DTNBP1: variants seen among roughly 807,000 people sequenced by gnomAD.
DTNBP1 encodes the protein dysbindin.
DTNBP1 carries 35 observed loss-of-function variants against 42.8 expected under a neutral mutation model. The observed-to-expected ratio is 0.82, with a 90% CI of 0.63 to 1.09. The LOEUF is 1.09. Among genes scored for constraint, DTNBP1 ranks in the 50% least tolerant of loss-of-function variants. DTNBP1 has a pLI of 0.00. For missense variants in DTNBP1, 457 were observed against 424.2 expected (o/e 1.08, Z -0.68); for synonymous variants, 171 against 162.2 (o/e 1.05, Z -0.41).
chr6:15,623,577 AAAAC>A (rs1759164921), intron 5 of DTNBP1, among the ~76,000 whole-genome samples: 1 of 152,160 alleles, frequency 6.6e-6, no homozygotes, highest in Middle Eastern at 3.2e-3. Flanking sequence ...TTTTAAAACA[AAAAC>A]AAAACCCAGA....
chr6:15,656,748 A>G (rs532845437), intron 1 of DTNBP1, among the ~76,000 whole-genome samples: 1 of 152,222 alleles, frequency 6.6e-6, no homozygotes, highest in East Asian at 1.9e-4. Context: ...ACCCTGTCTC[A>G]GAGAAAAAAA....
At position 15,645,437 on chromosome 6, in the gene DTNBP1, A is replaced by T. The variant is rs965668870; in HGVS notation, c.161+5876T>A. ...GGAGATTTCTCCTTCACCTCATTCT[A>T]TGCAACTAGTATTATCCTGATTCCA... On this transcript the variant is annotated intron_variant, in intron 3 of 9. Transcript: ENST00000344537. Among the ~76,000 whole-genome samples the T allele has an allele frequency of 2.0e-5, 3 of 152,192 alleles. No homozygotes were observed. The South Asian group carries it at 6.2e-4, about 32-fold the overall frequency.
At chr6:15,657,598 A>G (rs921041165) in intron 1 of DTNBP1, among the ~76,000 whole-genome samples, 10 of 152,216 alleles carry the variant, frequency 6.6e-5, no homozygotes, top group Non-Finnish European at 8.8e-5. Flanking sequence ...CCAGAAATAC[A>G]GGTAGGCCAT....
At chr6:15,657,621 C>G (rs1761356668) in intron 1 of DTNBP1, among the ~76,000 whole-genome samples, 1 of 152,176 alleles carries the variant, frequency 6.6e-6, no homozygotes, top group African/African-American at 2.4e-5. Flanking sequence ...TCTCCTTAGC[C>G]TGATTTTTAG....
At chr6:15,643,527 A>C (rs983166310) in intron 3 of DTNBP1, among the ~76,000 whole-genome samples, 1 of 152,108 alleles carries the variant, frequency 6.6e-6, no homozygotes, top group Non-Finnish European at 1.5e-5. Context: ...AAAATCATAA[A>C]GGCAGCTAGA....
At chr6:15,574,976 C>A (rs971120629) in intron 7 of DTNBP1, among the ~76,000 whole-genome samples, 1 of 152,130 alleles carries the variant, frequency 6.6e-6, no homozygotes, top group East Asian at 1.9e-4. Context: ...CAAACATAAA[C>A]ATAATTTCCT....
At chr6:15,541,163 C>T (rs933588649) in intron 7 of DTNBP1, among the ~76,000 whole-genome samples, 4 of 152,072 alleles carry the variant, frequency 2.6e-5, no homozygotes, top group Non-Finnish European at 5.9e-5. Context: ...TGAAAAAGCA[C>T]AAAGCGGGCA....
chr6:15,523,975 C>G, intron 9 of DTNBP1: 1 of 1,287,660 alleles, frequency 7.8e-7, no homozygotes, highest in Non-Finnish European at 1.0e-6. Flanking sequence ...TGAAACGCAC[C>G]AAGCCCAGGT....
chr6:15,636,441 G>A (rs761916193), intron 4 of DTNBP1, among the ~76,000 whole-genome samples: 2 of 152,076 alleles, frequency 1.3e-5, no homozygotes, highest in East Asian at 1.9e-4. Flanking sequence ...GTGAGCCACC[G>A]TGCCCAGCCA....
chr6:15,565,883 T>C (rs1004083960), intron 7 of DTNBP1, among the ~76,000 whole-genome samples: 2 of 152,204 alleles, frequency 1.3e-5, no homozygotes, highest in Non-Finnish European at 2.9e-5. Context: ...CATGTGACCA[T>C]GTAGTTCGTG....
chr6:15,659,555 C>T (rs13195978), intron 1 of DTNBP1, among the ~76,000 whole-genome samples: 28,318 of 116,500 alleles, frequency 0.24, 3,553 homozygotes, highest in Non-Finnish European at 0.28. Context: ...GGGTTTCTTT[C>T]TTTTTTTTTT....
At chr6:15,596,163 T>A (rs1350382520) in intron 6 of DTNBP1, among the ~76,000 whole-genome samples, 3 of 152,150 alleles carry the variant, frequency 2.0e-5, no homozygotes, top group African/African-American at 7.2e-5. Flanking sequence ...GCCCAAGGCA[T>A]CTGACTCAAT....
At chr6:15,533,592 T>G in intron 7 of DTNBP1, 197 bp from the exon 8 acceptor site, 1 of 873,622 alleles carries the variant, frequency 1.1e-6, no homozygotes, top group Non-Finnish European at 1.9e-6. Flanking sequence ...ACCTGGGCGG[T>G]CAGGGTCAGG....
At chr6:15,538,041 T>C (rs1773344964) in intron 7 of DTNBP1, among the ~76,000 whole-genome samples, 1 of 152,212 alleles carries the variant, frequency 6.6e-6, no homozygotes, top group African/African-American at 2.4e-5. Context: ...GGGAGAATCC[T>C]GAGGTGGCTC....
chr6:15,620,777 T>C (rs181335787), intron 5 of DTNBP1, among the ~76,000 whole-genome samples: 1 of 152,328 alleles, frequency 6.6e-6, no homozygotes, highest in East Asian at 1.9e-4. Context: ...GGGGGACGGG[T>C]TAAGAGCTAG....
chr6:15,568,335 C>T (rs1775189183), intron 7 of DTNBP1, among the ~76,000 whole-genome samples: 1 of 152,212 alleles, frequency 6.6e-6, no homozygotes, highest in African/African-American at 2.4e-5. Flanking sequence ...TCAAAGTTAA[C>T]ATAAAAATAC....
intron 7 of DTNBP1, among the ~76,000 whole-genome samples, chr6:15,551,877 T>C (rs1774231363): frequency 6.6e-6 from 1 of 152,216 alleles, no homozygotes; most frequent in South Asian, 2.1e-4. Context: ...GGCCTTCAAC[T>C]GGCTGCTTGA....
intron 6 of DTNBP1, among the ~76,000 whole-genome samples, chr6:15,613,799 GAGCTCTTCTGAAGCTCTT>G (rs1758566764): frequency 6.6e-6 from 1 of 151,842 alleles, no homozygotes; most frequent in Non-Finnish European, 1.5e-5. Context: ...GGCCTCCCTG[GAGCTCTTCTGAAGCTCTT>G]CCATTTACAG....
intron 5 of DTNBP1, among the ~76,000 whole-genome samples, chr6:15,619,753 G>A (rs1758932063): frequency 6.6e-6 from 1 of 152,046 alleles, no homozygotes; most frequent in African/African-American, 2.4e-5. Flanking sequence ...TAATCCAGAA[G>A]TGTTGACATT....
Sources: gnomAD v4.1 joint callset for allele counts (sites outside exome capture counted in the v4.1 genomes callset) on GRCh38, gnomAD v4.1.1 for gene constraint, MANE v1.5 for transcripts, NCBI Gene and HGNC (gene_info 2026-07-23, HGNC 2026-07-21) for gene names.